The following UBE3D variants were observed in gnomAD, a reference collection of about 807,000 sequenced individuals.
UBE3D encodes ubiquitin protein ligase E3D, also known as E3 ubiquitin-protein ligase E3D.
In UBE3D, 48 loss-of-function variants were observed where a neutral mutation model predicts 49.6. That is an observed-to-expected ratio of 0.97 (90% CI 0.77 to 1.23). The LOEUF (loss-of-function observed/expected upper bound fraction) is 1.23. Among genes scored for constraint, UBE3D ranks in the 50% most tolerant of loss-of-function variants. The pLI, the probability that UBE3D is intolerant of heterozygous loss-of-function variation, is 0.00. For missense variants in UBE3D, 452 were observed against 468.4 expected (o/e 0.96, Z 0.32); for synonymous variants, 189 against 174.2 (o/e 1.08, Z -0.67).
chr6:83,043,827 C>A, intron 4 of UBE3D, among the ~76,000 whole-genome samples: 1 of 152,160 alleles, frequency 6.6e-6, no homozygotes, highest in Non-Finnish European at 1.5e-5. Flanking sequence ...TAAAGTAAAA[C>A]ACTTGTTCTC....
At chr6:83,021,300 G>T (rs978963986) in intron 7 of UBE3D, among the ~76,000 whole-genome samples, 7 of 152,112 alleles carry the variant, frequency 4.6e-5, no homozygotes, top group Non-Finnish European at 8.8e-5. Context: ...AATTGTCTGG[G>T]AATGGTGGAG....
rs765232573 is a variant in UBE3D at position 83,054,202 on chromosome 6, T to G, written c.311A>C (p.Gln104Pro). 3.1e-6 allele frequency: 5 copies of G among 1,614,092 alleles called. No individual in the cohort carries two copies. The highest frequency in any genetic ancestry group is 2.2e-5 in the South Asian group (2 of 91,080). Residue 104 changes from glutamine (Q) to proline (P), a missense_variant, in exon 3 of 10, where the codon CAA becomes CCA. Gln to Pro is a moderately conservative substitution (Grantham distance 76). Coordinates refer to ENST00000369747, the MANE Select transcript of UBE3D (RefSeq NM_198920.3). ...TTGGCAATAAAACGTGCAACATTCT[T>G]GGGTTTGCGAGCTTTGATTAAACAT... Reference protein sequence around the residue: ...ISMFNQSSQTQECCTFYCQSC... With the variant: ...ISMFNQSSQTPECCTFYCQSC...
Position 82,965,225 on chromosome 6 carries a change from C to A in UBE3D, c.1011-7775G>T, listed in dbSNP as rs1430015765. Among the ~76,000 whole-genome samples, 11 of 152,082 alleles carry A rather than the reference C, an allele frequency of 7.2e-5. 1 individual carries two copies. The highest frequency in any genetic ancestry group is 5.9e-4 in the Admixed American group (9 of 15,264). ...CATGCCAAAAAATAAGAAATGTTGT[C>A]TTTTATAAATGCTTGTATCATTGCA... On this transcript the variant is annotated intron_variant, in intron 8 of 9. Coordinates refer to ENST00000369747, the MANE Select transcript of UBE3D (RefSeq NM_198920.3).
chr6:83,048,398 G>A (rs1783225864), intron 3 of UBE3D, among the ~76,000 whole-genome samples: 2 of 152,148 alleles, frequency 1.3e-5, no homozygotes, highest in African/African-American at 2.4e-5. Flanking sequence ...GAGGGAGTTA[G>A]GCCTAAATAG....
intron 8 of UBE3D, among the ~76,000 whole-genome samples, chr6:82,958,152 G>A (rs559713585): frequency 6.6e-6 from 1 of 152,282 alleles, no homozygotes; most frequent in South Asian, 2.1e-4. Context: ...AAAGGGATCT[G>A]TCTGAGATGA....
chr6:82,885,833 TCTTA>T, the UBE3D span, among the ~76,000 whole-genome samples: 1 of 152,320 alleles, frequency 6.6e-6, no homozygotes, highest in African/African-American at 2.4e-5. Flanking sequence ...AGCCAAATGT[TCTTA>T]CTATTTCAAA....
chr6:83,033,592 A>G (rs1782034491), intron 5 of UBE3D, among the ~76,000 whole-genome samples: 1 of 152,092 alleles, frequency 6.6e-6, no homozygotes, highest in African/African-American at 2.4e-5. Flanking sequence ...AAAAGTGTGT[A>G]GCACCTCCCT....
chr6:83,055,765 G>C lies in UBE3D; in HGVS notation c.275-1527C>G, dbSNP rs1377671244. On this transcript the variant is annotated intron_variant, in intron 2 of 9. Transcript: ENST00000369747. ...TGTTTACTATAGTTGTCCTTAAAAG[G>C]GTGTTCTTAGCATTGAAAAGTCATC... Among the ~76,000 whole-genome samples, 4 of 152,074 alleles carry C rather than the reference G, an allele frequency of 2.6e-5. No homozygotes were observed. The South Asian group carries it at 6.2e-4, about 24-fold the overall frequency.
intron 9 of UBE3D, among the ~76,000 whole-genome samples, chr6:82,956,850 G>A (rs1014718784): frequency 6.6e-5 from 10 of 152,274 alleles, no homozygotes; most frequent in Admixed American, 2.6e-4. Flanking sequence ...GACAAAGGCC[G>A]GATGCGGTGG....
the UBE3D span, among the ~76,000 whole-genome samples, chr6:82,885,764 C>T: frequency 8.5e-5 from 13 of 152,178 alleles, no homozygotes; most frequent in African/African-American, 3.1e-4. Context: ...AAGCTTTCCA[C>T]AATCTGACAA....
At chr6:82,919,694 G>T (rs1313273272) in intron 9 of UBE3D, among the ~76,000 whole-genome samples, 6 of 152,130 alleles carry the variant, frequency 3.9e-5, no homozygotes, top group Admixed American at 3.9e-4. Context: ...GGAGACCCTG[G>T]AGGTAACAGC....
intron 8 of UBE3D, among the ~76,000 whole-genome samples, chr6:83,000,037 G>C (rs13200070): frequency 0.26 from 39,936 of 151,998 alleles, 6,682 homozygotes; most frequent in Middle Eastern, 0.41. Context: ...CAATACTGTT[G>C]TTTTCCTCCT....
chr6:82,980,473 A>C (rs1240467466), intron 8 of UBE3D, among the ~76,000 whole-genome samples: 4 of 152,026 alleles, frequency 2.6e-5, no homozygotes, highest in African/African-American at 9.7e-5. Flanking sequence ...AATTCTGGAT[A>C]TTAGTCCTCT....
At chr6:82,946,063 C>T (rs1257874986) in intron 9 of UBE3D, among the ~76,000 whole-genome samples, 1 of 151,870 alleles carries the variant, frequency 6.6e-6, no homozygotes, top group Non-Finnish European at 1.5e-5. Flanking sequence ...AAAGAGGAGG[C>T]AGAGAAAGAG....
intron 1 of UBE3D, among the ~76,000 whole-genome samples, chr6:83,059,785 G>C (rs1257186930): frequency 6.6e-6 from 1 of 152,080 alleles, no homozygotes; most frequent in Non-Finnish European, 1.5e-5. Context: ...ATCAGTGCAA[G>C]GGTGGTGACA....
At chr6:83,047,967 A>C (rs1442735256) in intron 3 of UBE3D, among the ~76,000 whole-genome samples, 2 of 150,196 alleles carry the variant, frequency 1.3e-5, no homozygotes, top group Non-Finnish European at 1.5e-5. Context: ...CTGTAGTCCC[A>C]GCTACTCCGG....
chr6:82,944,360 C>T (rs927724411), intron 9 of UBE3D, among the ~76,000 whole-genome samples: 1 of 152,130 alleles, frequency 6.6e-6, no homozygotes, highest in Admixed American at 6.5e-5. Context: ...TATCCTGGAC[C>T]AGAAGGGAAT....
At chr6:82,970,347 A>G (rs148726857) in intron 8 of UBE3D, among the ~76,000 whole-genome samples, 1 of 152,128 alleles carries the variant, frequency 6.6e-6, no homozygotes, top group Non-Finnish European at 1.5e-5. Flanking sequence ...TAAGGGTTTT[A>G]TAATTTTAAA....
chr6:82,975,802 C>T (rs1176904751), intron 8 of UBE3D, among the ~76,000 whole-genome samples: 2 of 151,982 alleles, frequency 1.3e-5, no homozygotes, highest in East Asian at 1.9e-4. Context: ...TTGTCATTAG[C>T]GTCAGTCAAG....
Sources: gnomAD v4.1 joint callset for allele counts (sites outside exome capture counted in the v4.1 genomes callset) on GRCh38, gnomAD v4.1.1 for gene constraint, MANE v1.5 for transcripts, NCBI Gene and HGNC (gene_info 2026-07-23, HGNC 2026-07-21) for gene names.